The following VIT variants were observed in gnomAD, a reference collection of about 807,000 sequenced individuals.
The protein encoded by VIT is vitrin.
In VIT, 99 loss-of-function variants were observed where a neutral mutation model predicts 78.0. That is an observed-to-expected ratio of 1.27 (90% CI 1.08 to 1.50). VIT has a LOEUF of 1.50. VIT is among the 40% of genes most tolerant of loss of function. The pLI, the probability that VIT is intolerant of heterozygous loss-of-function variation, is 0.00. For missense variants in VIT, 1,126 were observed against 875.3 expected (o/e 1.29, Z -3.61); for synonymous variants, 374 against 334.3 (o/e 1.12, Z -1.29).
chr2:36,708,445 A>AT (rs1049700495), intron 1 of VIT, among the ~76,000 whole-genome samples: 35 of 152,262 alleles, frequency 2.3e-4, no homozygotes, highest in South Asian at 8.3e-4. Flanking sequence ...GCTAGGGCAG[A>AT]TTTTTTTCCA....
rs1572591533 is a variant in VIT at position 36,811,947 on chromosome 2, A to G, written c.1904-2236A>G. On this transcript the variant is annotated intron_variant, in intron 15 of 15. Transcript: ENST00000379242. ...CACCTCAGCCTCCCGAAGTGCTGGG[A>G]TTACAGGTGTGAGCCACCACGCCTG... Among the ~76,000 whole-genome samples, 6 of 152,280 alleles carry G rather than the reference A, an allele frequency of 3.9e-5. 1 individual carries two copies. In the South Asian group the frequency reaches 1.2e-3, roughly 32 times the overall value.
intron 1 of VIT, among the ~76,000 whole-genome samples, chr2:36,704,512 G>A (rs951879111): frequency 2.0e-5 from 3 of 152,160 alleles, no homozygotes; most frequent in African/African-American, 4.8e-5. Flanking sequence ...GAGAGTCTGA[G>A]GGCTCCTTCA....
intron 14 of VIT, 83 bp from the exon 15 acceptor site, chr2:36,808,389 C>A: frequency 3.2e-5 from 47 of 1,488,980 alleles, no homozygotes; most frequent in Non-Finnish European, 4.2e-5. Context: ...TGCTTCTTCA[C>A]CTGCCCCGGG....
chr2:36,746,883 G>A (rs971380388), intron 4 of VIT, among the ~76,000 whole-genome samples: 3 of 151,940 alleles, frequency 2.0e-5, no homozygotes, highest in African/African-American at 7.2e-5. Context: ...TTCCTCTAAG[G>A]TGTGATATTA....
chr2:36,755,481 G>C (rs970078725), intron 5 of VIT, among the ~76,000 whole-genome samples: 1 of 152,086 alleles, frequency 6.6e-6, no homozygotes, highest in Non-Finnish European at 1.5e-5. Context: ...ATATCAAGAG[G>C]CATATAATGG....
Position 36,814,251 on chromosome 2 carries a change from C to T in VIT, c.1972C>T (p.Pro658Ser), listed in dbSNP as rs769912292. ...GGAGCTAGAAGTCATTGCCACTCAC[C>T]CCGCCAGAGACCACTCCTTCTTTGT... ...QEELEVIATHPARDHSFFVDE... is the reference protein window; with the variant it reads ...QEELEVIATHSARDHSFFVDE... Residue 658 changes from proline (P) to serine (S), a missense_variant, in exon 16 of 16, where the codon CCC (proline) becomes TCC (serine). Transcript: ENST00000379242. 3 of 1,614,220 alleles carry T rather than the reference C, an allele frequency of 1.9e-6. No individual in the cohort carries two copies. The highest frequency in any genetic ancestry group is 2.5e-6 in the Non-Finnish European group (3 of 1,180,036).
intron 7 of VIT, 121 bp downstream of exon 7, chr2:36,767,406 C>CG (rs770339720): frequency 9.6e-7 from 1 of 1,040,470 alleles, no homozygotes; most frequent in Non-Finnish European, 1.3e-6. Flanking sequence ...AGAACTGGGC[C>CG]GGGGGTATGT....
intron 2 of VIT, among the ~76,000 whole-genome samples, chr2:36,723,934 TAAGAAAAGAAAAGA>T (rs1394017066): frequency 2.7e-5 from 2 of 74,318 alleles, no homozygotes; most frequent in South Asian, 4.7e-4. Flanking sequence ...CTGGGCAAGA[TAAGAAAAGAAAAGA>T]AAGAAAAGAA....
intron 5 of VIT, among the ~76,000 whole-genome samples, chr2:36,757,384 C>T (rs1221557461): frequency 6.6e-6 from 1 of 152,174 alleles, no homozygotes; most frequent in Non-Finnish European, 1.5e-5. Context: ...GTGAGGGACC[C>T]CCTAATACTT....
chr2:36,708,063 T>C (rs1346286656), intron 1 of VIT, among the ~76,000 whole-genome samples: 5 of 151,866 alleles, frequency 3.3e-5, no homozygotes, highest in African/African-American at 1.2e-4. Flanking sequence ...TACATCTGTA[T>C]GAAGGTTTAT....
intron 2 of VIT, among the ~76,000 whole-genome samples, chr2:36,719,252 A>G (rs1458282054): frequency 6.6e-6 from 1 of 152,248 alleles, no homozygotes; most frequent in African/African-American, 2.4e-5. Context: ...GTGAAAACCT[A>G]AAAGCTTTTC....
At chr2:36,769,273 CAT>C (rs1245798198) in intron 7 of VIT, among the ~76,000 whole-genome samples, 1 of 152,216 alleles carries the variant, frequency 6.6e-6, no homozygotes, top group Non-Finnish European at 1.5e-5. Context: ...TATAATTAAA[CAT>C]GTGGCATATT....
intron 1 of VIT, among the ~76,000 whole-genome samples, chr2:36,713,916 G>C (rs1665967700): frequency 6.6e-6 from 1 of 152,160 alleles, no homozygotes; most frequent in Non-Finnish European, 1.5e-5. Flanking sequence ...AATTGTTCTG[G>C]AGTTTCTCAA....
chr2:36,775,309 A>C (rs1572517894), intron 9 of VIT, among the ~76,000 whole-genome samples: 1 of 152,146 alleles, frequency 6.6e-6, no homozygotes. Flanking sequence ...TCATTACTTT[A>C]TGTCTCCTCA....
At chr2:36,739,343 C>T (rs1379086614) in intron 3 of VIT, among the ~76,000 whole-genome samples, 1 of 152,162 alleles carries the variant, frequency 6.6e-6, no homozygotes, top group Non-Finnish European at 1.5e-5. Context: ...TGGCCTACTA[C>T]ATAATCGGCT....
At chr2:36,764,112 A>T (rs1295857868) in intron 6 of VIT, among the ~76,000 whole-genome samples, 3 of 152,248 alleles carry the variant, frequency 2.0e-5, no homozygotes, top group Admixed American at 6.5e-5. Flanking sequence ...ATGGTGTGAC[A>T]AAAAGATAAT....
intron 8 of VIT, chr2:36,774,610 A>G (rs1669943279): frequency 2.0e-6 from 2 of 985,452 alleles, no homozygotes; most frequent in Non-Finnish European, 2.4e-6. Context: ...GCTACTGGAT[A>G]GGAACAGGGG....
rs1284359404 is a variant in VIT at position 36,754,921 on chromosome 2, T to C, written c.276T>C (p.Ser92=). 3.7e-6 allele frequency: 6 copies of C among 1,613,356 alleles called. No homozygotes were observed. The highest frequency in any genetic ancestry group is 1.7e-4 in the Middle Eastern group (1 of 6,058). The stretch of plus-strand genomic sequence containing the variant: ...GAAAAATTATTTTTTCTCTTCATAG[T>C]GGTGTGCTTGATAATTCAGGAGGGA... ...YSSVCGAAVH[S]GVLDNSGGKI... Residue 92 remains serine, a splice_region_variant and synonymous_variant, in exon 5 of 16, where the codon AGT becomes AGC. Coordinates refer to ENST00000379242, the MANE Select transcript of VIT (RefSeq NM_053276.4).
At position 36,814,172 on chromosome 2, in the gene VIT, T is replaced by C. The variant is rs760010276; in HGVS notation, c.1904-11T>C. The C allele has an allele frequency of 2.5e-6, 4 of 1,612,666 alleles. No individual in the cohort carries two copies. In the Admixed American group the frequency reaches 6.7e-5, roughly 27 times the overall value. ...TGGGGACATTTGTTCATCTAACCTTTGTCCCCACAGGAGTGATCACCTATG... is the reference window on the plus strand; with the variant it reads ...TGGGGACATTTGTTCATCTAACCTTCGTCCCCACAGGAGTGATCACCTATG... On this transcript the variant is annotated splice_polypyrimidine_tract_variant and intron_variant, in intron 15 of 15. Coordinates refer to ENST00000379242, the MANE Select transcript of VIT (RefSeq NM_053276.4).
Sources: allele counts gnomAD v4.1 joint callset (sites outside exome capture counted in the v4.1 genomes callset), GRCh38; gene constraint gnomAD v4.1.1; transcripts MANE v1.5; gene names NCBI Gene and HGNC (gene_info 2026-07-23, HGNC 2026-07-21).